Variants in SLC24A2 observed in about 807,000 individuals in gnomAD.
SLC24A2 encodes sodium/potassium/calcium exchanger 2.
In SLC24A2, 36 loss-of-function variants were observed where a neutral mutation model predicts 62.0. The observed-to-expected ratio is 0.58, with a 90% CI of 0.44 to 0.77. The LOEUF (loss-of-function observed/expected upper bound fraction) is 0.77. SLC24A2 is among the 30% of genes least tolerant of loss of function. SLC24A2 has a pLI of 0.00. For synonymous variants in SLC24A2, 358 were observed against 294.0 expected, an observed-to-expected ratio of 1.22 and a Z score of -2.23; for missense variants, 846 against 817.9, an observed-to-expected ratio of 1.03 and a Z score of -0.42.
chr9:20,146,927 C>G, the SLC24A2 span, among the ~76,000 whole-genome samples: 1 of 152,104 alleles, frequency 6.6e-6, no homozygotes, highest in East Asian at 1.9e-4. Flanking sequence ...CTCTTATGTA[C>G]AACATCAGTA....
chr9:19,999,555 C>T, the SLC24A2 span, among the ~76,000 whole-genome samples: 2 of 152,180 alleles, frequency 1.3e-5, no homozygotes, highest in Non-Finnish European at 2.9e-5. Context: ...CTCTATATTT[C>T]ATCCTCATGG....
At chr9:19,588,944 G>C (rs1013266491) in intron 5 of SLC24A2, among the ~76,000 whole-genome samples, 3 of 152,196 alleles carry the variant, frequency 2.0e-5, no homozygotes, top group African/African-American at 7.2e-5. Flanking sequence ...CTGGGTGACA[G>C]AGTGAGACTC....
the SLC24A2 span, among the ~76,000 whole-genome samples, chr9:20,234,498 C>G: frequency 6.6e-6 from 1 of 152,204 alleles, no homozygotes; most frequent in Non-Finnish European, 1.5e-5. Flanking sequence ...CGCTGATACC[C>G]TTTCTTCCAG....
chr9:19,760,588 C>A (rs184710970), intron 2 of SLC24A2, among the ~76,000 whole-genome samples: 1 of 151,920 alleles, frequency 6.6e-6, no homozygotes, highest in East Asian at 2.0e-4. Context: ...CATTGTTCAA[C>A]TCCCACTTAT....
chr9:19,553,843 A>C (rs1834956470), intron 7 of SLC24A2, among the ~76,000 whole-genome samples: 1 of 152,210 alleles, frequency 6.6e-6, no homozygotes, highest in Non-Finnish European at 1.5e-5. Flanking sequence ...GTATTTATCC[A>C]GTTACAGGGC....
At chr9:20,274,351 G>T in the SLC24A2 span, among the ~76,000 whole-genome samples, 1 of 152,128 alleles carries the variant, frequency 6.6e-6, no homozygotes, top group East Asian at 1.9e-4. Context: ...ATTATGAAAG[G>T]CATTTTAGCT....
the SLC24A2 span, among the ~76,000 whole-genome samples, chr9:20,057,143 C>A: frequency 2.6e-5 from 4 of 152,204 alleles, no homozygotes; most frequent in African/African-American, 9.7e-5. Context: ...TATATATTCA[C>A]AAATATTGGG....
the SLC24A2 span, among the ~76,000 whole-genome samples, chr9:19,887,359 T>C: frequency 6.6e-6 from 1 of 152,218 alleles, no homozygotes; most frequent in African/African-American, 2.4e-5. Context: ...GTAGGTGTTC[T>C]GTTCACTCTG....
the SLC24A2 span, among the ~76,000 whole-genome samples, chr9:20,020,945 C>G: frequency 7.9e-5 from 12 of 152,186 alleles, no homozygotes; most frequent in Non-Finnish European, 1.5e-4. Flanking sequence ...TTCTACTGGT[C>G]TTTATGTTTC....
chr9:19,578,893 G>A (rs1213065183), intron 5 of SLC24A2, among the ~76,000 whole-genome samples: 1 of 152,178 alleles, frequency 6.6e-6, no homozygotes, highest in African/African-American at 2.4e-5. Flanking sequence ...CAAAGGCAAA[G>A]GCAATCTCTA....
intron 10 of SLC24A2, among the ~76,000 whole-genome samples, chr9:19,520,540 G>C (rs111247241): frequency 2.4e-4 from 37 of 152,050 alleles, no homozygotes; most frequent in African/African-American, 8.5e-4. Flanking sequence ...AGGCTGGTGG[G>C]GACTTTAATT....
chr9:20,178,102 T>A, the SLC24A2 span, among the ~76,000 whole-genome samples: 1 of 152,304 alleles, frequency 6.6e-6, no homozygotes, highest in South Asian at 2.1e-4. Flanking sequence ...GTTCCTTTAA[T>A]ATAAGTGTAA....
the SLC24A2 span, among the ~76,000 whole-genome samples, chr9:20,263,622 G>A: frequency 1.3e-5 from 2 of 152,288 alleles, no homozygotes; most frequent in East Asian, 3.9e-4. Context: ...CCTTCACACT[G>A]TGCTTCATGT....
At chr9:20,166,612 T>C in the SLC24A2 span, among the ~76,000 whole-genome samples, 1 of 151,966 alleles carries the variant, frequency 6.6e-6, no homozygotes, top group Admixed American at 6.6e-5. Flanking sequence ...TGCTTATTTT[T>C]GCAAAAAGAA....
the SLC24A2 span, among the ~76,000 whole-genome samples, chr9:20,303,795 G>C: frequency 6.6e-6 from 1 of 152,152 alleles, no homozygotes; most frequent in South Asian, 2.1e-4. Flanking sequence ...TTCTTAAGTA[G>C]GGACAACCTA....
At chr9:19,930,096 T>C in the SLC24A2 span, among the ~76,000 whole-genome samples, 2,912 of 152,148 alleles carry the variant, frequency 0.019, 90 homozygotes, top group African/African-American at 0.059. Flanking sequence ...TGAAGAAAAA[T>C]TGTTTATACA....
At chr9:19,550,816 T>A (rs1309553833) in intron 7 of SLC24A2, among the ~76,000 whole-genome samples, 1 of 152,026 alleles carries the variant, frequency 6.6e-6, no homozygotes, top group African/African-American at 2.4e-5. Flanking sequence ...TTGGAATAGC[T>A]AAGTGCATTG....
At chr9:20,018,796 T>G in the SLC24A2 span, among the ~76,000 whole-genome samples, 1 of 151,760 alleles carries the variant, frequency 6.6e-6, no homozygotes, top group Non-Finnish European at 1.5e-5. Flanking sequence ...AAAAGTAGGG[T>G]GGTATACCTA....
chr9:20,095,436 G>A, the SLC24A2 span, among the ~76,000 whole-genome samples: 1 of 152,178 alleles, frequency 6.6e-6, no homozygotes, highest in African/African-American at 2.4e-5. Flanking sequence ...AGTAGACTGA[G>A]TAAACCAGAT....
Sources: allele counts gnomAD v4.1 joint callset (sites outside exome capture counted in the v4.1 genomes callset), GRCh38; gene constraint gnomAD v4.1.1; transcripts MANE v1.5; gene names NCBI Gene and HGNC (gene_info 2026-07-23, HGNC 2026-07-21).